The following ABL1 variants were observed in gnomAD, a reference collection of about 807,000 sequenced individuals.
ABL1 encodes tyrosine-protein kinase ABL1.
A neutral mutation model predicts 94.7 loss-of-function variants in ABL1; 11 were observed. The ratio of observed to expected loss-of-function variants is 0.12; its 90% CI spans 0.07 to 0.19. The LOEUF (loss-of-function observed/expected upper bound fraction) is 0.19, where lower values mean the gene tolerates loss of function less well. ABL1 is among the 10% of genes least tolerant of loss of function. The probability of loss-of-function intolerance (pLI) is 1.00; values close to 1 mark genes in which losing one functional copy is unlikely to be tolerated. For synonymous variants in ABL1, 656 were observed against 622.4 expected, an observed-to-expected ratio of 1.05 and a Z score of -0.80; for missense variants, 1,082 against 1,489.4, an observed-to-expected ratio of 0.73 and a Z score of 4.50.
intron 1 of ABL1, among the ~76,000 whole-genome samples, chr9:130,798,899 A>C (rs1200766785): frequency 6.9e-6 from 1 of 144,084 alleles, no homozygotes; most frequent in African/African-American, 2.6e-5. Context: ...TGAACCCAGG[A>C]GGCGGAGGTT....
chr9:130,714,313 T>C (rs1326148264), exon 1 of ABL1: 3 of 1,592,692 alleles, frequency 1.9e-6, no homozygotes, highest in Non-Finnish European at 2.6e-6. Context: ...GTACCTATTA[T>C]TACTTTATGG....
At chr9:130,813,711 C>T (rs1424390499) in intron 1 of ABL1, among the ~76,000 whole-genome samples, 1 of 151,492 alleles carries the variant, frequency 6.6e-6, no homozygotes, top group Non-Finnish European at 1.5e-5. Context: ...AGAAAATCAA[C>T]AGCGAAGTAA....
chr9:130,759,224 T>C (rs1457027965), intron 1 of ABL1, among the ~76,000 whole-genome samples: 1 of 152,204 alleles, frequency 6.6e-6, no homozygotes, highest in East Asian at 1.9e-4. Context: ...CATTGAGTTT[T>C]TCAGCAACTT....
At chr9:130,879,951 A>T (rs1430435185) in intron 8 of ABL1, 117 bp from the exon 9 acceptor site, 7 of 953,432 alleles carry the variant, frequency 7.3e-6, no homozygotes, top group Non-Finnish European at 1.2e-5. Context: ...GTTGCAGCAA[A>T]AGATGGTTAG....
intron 1 of ABL1, among the ~76,000 whole-genome samples, chr9:130,798,715 T>G (rs1830013235): frequency 6.6e-6 from 1 of 152,110 alleles, no homozygotes; most frequent in South Asian, 2.1e-4. Flanking sequence ...ACGCCTGTAA[T>G]CCTGGGACTT....
intron 1 of ABL1, among the ~76,000 whole-genome samples, chr9:130,851,692 TG>T (rs1245025754): frequency 2.6e-5 from 4 of 152,238 alleles, no homozygotes; most frequent in Admixed American, 2.6e-4. Flanking sequence ...AAAACAATTT[TG>T]TTACCATTTG....
intron 1 of ABL1, among the ~76,000 whole-genome samples, chr9:130,828,185 C>A (rs1830450743): frequency 6.6e-6 from 1 of 152,036 alleles, no homozygotes; most frequent in Non-Finnish European, 1.5e-5. Flanking sequence ...GCCTCAGCCC[C>A]CCAAGCAACT....
chr9:130,791,886 C>CAT (rs1262928986), intron 1 of ABL1, among the ~76,000 whole-genome samples: 1 of 152,170 alleles, frequency 6.6e-6, no homozygotes, highest in Non-Finnish European at 1.5e-5. Flanking sequence ...AACTCCCTTT[C>CAT]ATATATACAT....
intron 1 of ABL1, among the ~76,000 whole-genome samples, chr9:130,807,803 T>C (rs1830148541): frequency 6.7e-6 from 1 of 149,082 alleles, no homozygotes; most frequent in Non-Finnish European, 1.5e-5. Flanking sequence ...GTTCAAGAGA[T>C]TCTCCTGCCT....
intron 1 of ABL1, among the ~76,000 whole-genome samples, chr9:130,799,948 C>A (rs1287181096): frequency 1.3e-5 from 2 of 151,938 alleles, no homozygotes; most frequent in African/African-American, 4.8e-5. Flanking sequence ...TCTCGGCTCA[C>A]TGCAACCTCT....
At chr9:130,849,358 T>A (rs1830821914) in intron 1 of ABL1, among the ~76,000 whole-genome samples, 1 of 152,194 alleles carries the variant, frequency 6.6e-6, no homozygotes, top group Non-Finnish European at 1.5e-5. Flanking sequence ...TTGCCCTCAA[T>A]TTATACACCT....
intron 1 of ABL1, among the ~76,000 whole-genome samples, chr9:130,845,147 C>T (rs1480281968): frequency 6.6e-6 from 1 of 152,112 alleles, no homozygotes; most frequent in Non-Finnish European, 1.5e-5. Flanking sequence ...TATTACTTTC[C>T]ACTTGTAGCC....
In ABL1 at chr9:130,827,919, A is replaced by AAAT. The variant is rs1276008658; in HGVS notation, c.137-26142_137-26140dup. On this transcript the variant is annotated intron_variant, in intron 1 of 10. Transcript: ENST00000372348. ...AAAAATAATAAATAAATAAATAAAT[A>AAAT]AATAAATAAATAAATAAAGCTATGC... Among the ~76,000 whole-genome samples the AAAT allele has an allele frequency of 6.1e-5, 9 of 148,028 alleles. No individual in the cohort carries two copies. In the South Asian group the frequency reaches 1.9e-3, roughly 31 times the overall value.
At chr9:130,777,721 CTG>C (rs1256394491) in intron 1 of ABL1, among the ~76,000 whole-genome samples, 2 of 26,458 alleles carry the variant, frequency 7.6e-5, no homozygotes, top group African/African-American at 3.9e-4. Context: ...ACTTTGTAGA[CTG>C]TGAGCAGGGG....
intron 1 of ABL1, among the ~76,000 whole-genome samples, chr9:130,764,502 A>T (rs1361992309): frequency 6.6e-6 from 1 of 152,162 alleles, no homozygotes; most frequent in African/African-American, 2.4e-5. Context: ...GCAGCATCAG[A>T]TTCTCCTTCT....
intron 1 of ABL1, among the ~76,000 whole-genome samples, chr9:130,820,510 T>G (rs922492393): frequency 6.6e-6 from 1 of 152,054 alleles, no homozygotes; most frequent in Non-Finnish European, 1.5e-5. Flanking sequence ...CTCATTTGTG[T>G]GTATACAACC....
intron 4 of ABL1, among the ~76,000 whole-genome samples, chr9:130,868,144 G>A (rs1283412196): frequency 6.6e-6 from 1 of 151,968 alleles, no homozygotes; most frequent in Non-Finnish European, 1.5e-5. Flanking sequence ...ATTTTTAGTA[G>A]AGACAGGGTT....
chr9:130,718,314 T>A (rs1481056598), intron 1 of ABL1, among the ~76,000 whole-genome samples: 3 of 107,832 alleles, frequency 2.8e-5, no homozygotes, highest in African/African-American at 1.5e-4. Flanking sequence ...TGAGACTCTG[T>A]CTCAAAAAAA....
chr9:130,829,405 CA>C (rs951254991), intron 1 of ABL1, among the ~76,000 whole-genome samples: 1 of 151,696 alleles, frequency 6.6e-6, no homozygotes, highest in Admixed American at 6.6e-5. Context: ...ACTAAAAATA[CA>C]AAAAAATTAG....
Sources: gnomAD v4.1 joint callset for allele counts (sites outside exome capture counted in the v4.1 genomes callset) on GRCh38, gnomAD v4.1.1 for gene constraint, MANE v1.5 for transcripts, NCBI Gene and HGNC (gene_info 2026-07-23, HGNC 2026-07-21) for gene names.